Variants in ZFHX3 observed in about 807,000 individuals in gnomAD.
The protein encoded by ZFHX3 is zinc finger homeobox protein 3.
A neutral mutation model predicts 279.1 loss-of-function variants in ZFHX3; 42 were observed. The observed-to-expected ratio is 0.15, with a 90% CI of 0.12 to 0.19. The LOEUF (loss-of-function observed/expected upper bound fraction) is 0.19. ZFHX3 is among the 10% of genes least tolerant of loss of function. The pLI, the probability that ZFHX3 is intolerant of heterozygous loss-of-function variation, is 1.00. For synonymous variants in ZFHX3, 2,293 were observed against 1,957.8 expected, an observed-to-expected ratio of 1.17 and a Z score of -4.52; for missense variants, 4,981 against 4,754.0, an observed-to-expected ratio of 1.05 and a Z score of -1.40.
chr16:73,253,758 T>C (rs898169631), intron 5 of ZFHX3, among the ~76,000 whole-genome samples: 12 of 152,096 alleles, frequency 7.9e-5, no homozygotes, highest in Admixed American at 4.6e-4. Context: ...CCCAGCCGGT[T>C]CTACGATTTT....
intron 3 of ZFHX3, among the ~76,000 whole-genome samples, chr16:73,342,695 C>A (rs567719924): frequency 6.6e-6 from 1 of 152,124 alleles, no homozygotes; most frequent in African/African-American, 2.4e-5. Flanking sequence ...TGGTTTCCTG[C>A]AAGAGGTGGG....
chr16:73,396,369 A>G (rs2017129456), intron 3 of ZFHX3, among the ~76,000 whole-genome samples: 1 of 152,212 alleles, frequency 6.6e-6, no homozygotes. Flanking sequence ...TGCAGCTTTA[A>G]TGAAAGTTTT....
At chr16:73,034,230 C>G (rs1438665040) in intron 1 of ZFHX3, among the ~76,000 whole-genome samples, 1 of 152,162 alleles carries the variant, frequency 6.6e-6, no homozygotes, top group Non-Finnish European at 1.5e-5. Flanking sequence ...ATGGGAGACG[C>G]CCACTGGTCC....
At chr16:73,580,379 G>A (rs891501183) in intron 2 of ZFHX3, among the ~76,000 whole-genome samples, 8 of 152,090 alleles carry the variant, frequency 5.3e-5, no homozygotes, top group South Asian at 4.1e-4. Flanking sequence ...TCGGGAGGCT[G>A]AGGCAGGAGA....
At chr16:72,892,485 C>T (rs1168552069) in intron 3 of ZFHX3, among the ~76,000 whole-genome samples, 5 of 150,852 alleles carry the variant, frequency 3.3e-5, no homozygotes, top group African/African-American at 1.2e-4. Flanking sequence ...ATTTGAGCTG[C>T]TTTTTGTTTA....
At chr16:72,923,980 G>T (rs141757747) in intron 3 of ZFHX3, among the ~76,000 whole-genome samples, 13 of 152,162 alleles carry the variant, frequency 8.5e-5, no homozygotes, top group African/African-American at 3.1e-4. Context: ...CACAGATGGC[G>T]AATTCACAAG....
At chr16:73,751,367 A>G (rs1567398047) in intron 1 of ZFHX3, among the ~76,000 whole-genome samples, 1 of 152,220 alleles carries the variant, frequency 6.6e-6, no homozygotes, top group Non-Finnish European at 1.5e-5. Flanking sequence ...AAAACACAGT[A>G]TACCAGAAAA....
intron 2 of ZFHX3, among the ~76,000 whole-genome samples, chr16:73,457,719 G>C (rs1347251327): frequency 6.6e-6 from 1 of 152,208 alleles, no homozygotes; most frequent in South Asian, 2.1e-4. Flanking sequence ...AGGTTGCAGC[G>C]AGCCGAGATT....
At chr16:73,037,884 A>C (rs1200563286) in intron 1 of ZFHX3, among the ~76,000 whole-genome samples, 1 of 152,050 alleles carries the variant, frequency 6.6e-6, no homozygotes, top group Non-Finnish European at 1.5e-5. Flanking sequence ...AGATAAAGTG[A>C]GACCAACACA....
chr16:73,749,786 T>C (rs1335999990), intron 1 of ZFHX3, among the ~76,000 whole-genome samples: 1 of 152,202 alleles, frequency 6.6e-6, no homozygotes, highest in Non-Finnish European at 1.5e-5. Context: ...AAAGCATGAA[T>C]ACAAGGTTTG....
At chr16:73,432,833 T>G (rs962404342) in intron 3 of ZFHX3, among the ~76,000 whole-genome samples, 2 of 152,142 alleles carry the variant, frequency 1.3e-5, no homozygotes, top group African/African-American at 4.8e-5. Flanking sequence ...AGGCTCCGGA[T>G]AGATGGGTTT....
At chr16:73,517,253 G>C (rs556087427) in intron 2 of ZFHX3, among the ~76,000 whole-genome samples, 1 of 152,282 alleles carries the variant, frequency 6.6e-6, no homozygotes, top group South Asian at 2.1e-4. Context: ...GGCCATCCCT[G>C]TTTGGGGATC....
intron 3 of ZFHX3, among the ~76,000 whole-genome samples, chr16:72,931,459 T>G (rs1215150120): frequency 7.9e-6 from 1 of 126,920 alleles, no homozygotes; most frequent in Non-Finnish European, 1.8e-5. Context: ...ACACACACTC[T>G]TCAGCTTTCA....
chr16:73,786,015 C>T (rs541200391), intron 1 of ZFHX3, among the ~76,000 whole-genome samples: 1 of 152,088 alleles, frequency 6.6e-6, no homozygotes. Flanking sequence ...GGATTACAGG[C>T]ATGCACCACC....
intron 1 of ZFHX3, among the ~76,000 whole-genome samples, chr16:73,802,176 T>C (rs2080233648): frequency 6.6e-6 from 1 of 151,818 alleles, no homozygotes; most frequent in Non-Finnish European, 1.5e-5. Context: ...TTTTTTTAAA[T>C]AAGTTGATTC....
At chr16:72,856,506 C>T (rs1262291607) in intron 4 of ZFHX3, among the ~76,000 whole-genome samples, 4 of 152,186 alleles carry the variant, frequency 2.6e-5, no homozygotes, top group African/African-American at 9.7e-5. Context: ...TTCAAAATCC[C>T]AAACCACCTC....
intron 1 of ZFHX3, among the ~76,000 whole-genome samples, chr16:72,982,934 T>C (rs1454829921): frequency 6.6e-6 from 1 of 152,170 alleles, no homozygotes; most frequent in Admixed American, 6.5e-5. Flanking sequence ...GAGGAGCTCA[T>C]GTCAACGCAG....
chr16:73,891,586 C>T (rs1486404307), intron 1 of ZFHX3: 1 of 152,202 alleles, frequency 6.6e-6, no homozygotes, highest in Non-Finnish European at 1.5e-5. Flanking sequence ...GAGAGAAAGA[C>T]ACACGCAGAA....
chr16:73,754,219 A>C (rs2053786382), intron 1 of ZFHX3, among the ~76,000 whole-genome samples: 1 of 152,122 alleles, frequency 6.6e-6, no homozygotes, highest in African/African-American at 2.4e-5. Context: ...TCTACTCAAA[A>C]AACGTCCGCA....
Sources: allele counts gnomAD v4.1 joint callset (sites outside exome capture counted in the v4.1 genomes callset), GRCh38; gene constraint gnomAD v4.1.1; transcripts MANE v1.5; gene names NCBI Gene and HGNC (gene_info 2026-07-23, HGNC 2026-07-21).